Variants in AUTS2 observed in about 807,000 individuals in gnomAD.
The protein encoded by AUTS2 is autism susceptibility gene 2 protein.
AUTS2 carries 17 observed loss-of-function variants against 112.4 expected under a neutral mutation model. The observed-to-expected ratio is 0.15, with a 90% CI of 0.10 to 0.23. AUTS2 has a LOEUF of 0.23. Ranked by LOEUF, AUTS2 falls within the 10% of genes least tolerant of loss-of-function variation. AUTS2 has a pLI of 1.00. For missense variants in AUTS2, 1,510 were observed against 1,701.6 expected, an observed-to-expected ratio of 0.89 and a Z score of 1.98; for synonymous variants, 751 against 702.7, an observed-to-expected ratio of 1.07 and a Z score of -1.09.
chr7:69,730,676 A>G (rs964925616), intron 1 of AUTS2, among the ~76,000 whole-genome samples: 1 of 152,220 alleles, frequency 6.6e-6, no homozygotes, highest in Non-Finnish European at 1.5e-5. Flanking sequence ...TCTCTTAAGC[A>G]CTGTTAAGAA....
At chr7:69,618,759 C>T (rs890656541) in intron 1 of AUTS2, among the ~76,000 whole-genome samples, 4 of 152,120 alleles carry the variant, frequency 2.6e-5, no homozygotes, top group South Asian at 2.1e-4. Flanking sequence ...ATGTACCCAC[C>T]ACCAACTTTA....
rs1225032496 is a variant in AUTS2 at position 70,790,095 on chromosome 7, G to A, written c.2879G>A (p.Arg960Gln). The A allele has an allele frequency of 8.2e-6, 13 of 1,585,728 alleles. No homozygotes were observed. The highest frequency in any genetic ancestry group is 1.8e-5 in the Admixed American group (1 of 54,102). The change falls in exon 19 of 19, where the codon CGG (arginine) becomes CAG (glutamine). Residue 960 changes from arginine (R) to glutamine (Q), a missense_variant. This residue lies in a region of AUTS2 where 788 missense variants were observed against 797.6 expected (regional missense o/e 0.99). Coordinates refer to ENST00000342771, the MANE Select transcript of AUTS2 (RefSeq NM_015570.4). This position sits in a 1 kb window ranked among gnomAD's most constrained non-coding sequence, Gnocchi z 7.6. ...ESARPNSTSSREAEPRKGEPA... is the reference protein window; with the variant it reads ...ESARPNSTSSQEAEPRKGEPA... ...GCCAGGCCCAACAGCACCTCGAGCC[G>A]GGAGGCCGAGCCGCGCAAGGGTGAG... is the stretch of plus-strand genomic sequence containing the variant.
At chr7:69,659,635 G>C (rs1054491998) in intron 1 of AUTS2, among the ~76,000 whole-genome samples, 2 of 115,642 alleles carry the variant, frequency 1.7e-5, no homozygotes, top group Non-Finnish European at 3.3e-5. Context: ...CTGAGGCTTA[G>C]TTTAATTGGC....
At chr7:69,864,462 A>G (rs1303039899) in intron 1 of AUTS2, among the ~76,000 whole-genome samples, 2 of 152,144 alleles carry the variant, frequency 1.3e-5, no homozygotes, top group Non-Finnish European at 2.9e-5. Flanking sequence ...ATTAAATTTC[A>G]GTTGTAGGGC....
chr7:69,888,893 G>C (rs141647076), intron 1 of AUTS2, among the ~76,000 whole-genome samples: 2 of 152,176 alleles, frequency 1.3e-5, no homozygotes, highest in East Asian at 1.9e-4. Context: ...ATTTCAACAT[G>C]AGTTTTGGAG....
intron 4 of AUTS2, among the ~76,000 whole-genome samples, chr7:70,403,971 A>G (rs1292379951): frequency 6.6e-6 from 1 of 152,242 alleles, no homozygotes; most frequent in African/African-American, 2.4e-5. Flanking sequence ...AGAAGTAGCA[A>G]TGAGTCCAGA....
intron 2 of AUTS2, among the ~76,000 whole-genome samples, chr7:70,082,363 AATT>A (rs1803364339): frequency 6.6e-6 from 1 of 152,210 alleles, no homozygotes; most frequent in Non-Finnish European, 1.5e-5. Flanking sequence ...GAGCATTTCT[AATT>A]CAAAGCAGGA....
intron 5 of AUTS2, among the ~76,000 whole-genome samples, chr7:70,574,377 G>A (rs1802073740): frequency 6.6e-6 from 1 of 152,150 alleles, no homozygotes; most frequent in Admixed American, 6.5e-5. Context: ...GAATCCCTTG[G>A]AGTTTCTACC....
intron 2 of AUTS2, among the ~76,000 whole-genome samples, chr7:70,080,972 A>T (rs17365333): frequency 0.25 from 38,459 of 152,094 alleles, 4,855 homozygotes; most frequent in Middle Eastern, 0.33. Context: ...TTGAAAGATA[A>T]TTGAGTGAAG....
chr7:70,703,043 A>G (rs1189633017), intron 6 of AUTS2, among the ~76,000 whole-genome samples: 1 of 152,212 alleles, frequency 6.6e-6, no homozygotes, highest in Non-Finnish European at 1.5e-5. Context: ...CAAGTTACCC[A>G]GCGATACTGC....
intron 5 of AUTS2, among the ~76,000 whole-genome samples, chr7:70,617,882 A>G (rs1225852716): frequency 6.6e-6 from 1 of 152,158 alleles, no homozygotes; most frequent in Non-Finnish European, 1.5e-5. Flanking sequence ...AAATTTAACC[A>G]TTTACACACA....
chr7:69,792,456 G>T (rs1425206552), intron 1 of AUTS2, among the ~76,000 whole-genome samples: 1 of 151,980 alleles, frequency 6.6e-6, no homozygotes, highest in African/African-American at 2.4e-5. Context: ...AGCCAGGATG[G>T]TCTCGATCTC....
chr7:70,273,501 G>T (rs2129609342), intron 4 of AUTS2, among the ~76,000 whole-genome samples: 1 of 149,806 alleles, frequency 6.7e-6, no homozygotes, highest in African/African-American at 2.5e-5. Context: ...TATTTTACTG[G>T]CATTCTATAA....
At chr7:70,701,544 G>T (rs1176337748) in intron 6 of AUTS2, among the ~76,000 whole-genome samples, 1 of 152,174 alleles carries the variant, frequency 6.6e-6, no homozygotes, top group African/African-American at 2.4e-5. Flanking sequence ...CTGTGTTATA[G>T]ATGCCATCCA....
chr7:70,534,432 GTTTGTTT>G lies in AUTS2; in HGVS notation c.690+98652_690+98658del, dbSNP rs984230605. Among the ~76,000 whole-genome samples, 40 of 150,594 alleles carry G rather than the reference GTTTGTTT, an allele frequency of 2.7e-4. No homozygotes were observed. In the South Asian group the frequency reaches 4.8e-3, roughly 18 times the overall value. On this transcript the variant is annotated intron_variant, in intron 5 of 18. Transcript: ENST00000342771. The stretch of plus-strand genomic sequence containing the variant: ...TGTTTGTTTGTTTGTTTGTTTGTTT[GTTTGTTT>G]GTTTTGAGACAGAGTCTCACTCTGT...
intron 5 of AUTS2, among the ~76,000 whole-genome samples, chr7:70,609,225 G>T (rs983990861): frequency 6.6e-6 from 1 of 151,862 alleles, no homozygotes; most frequent in Non-Finnish European, 1.5e-5. Context: ...CAACCCCTCC[G>T]CCCAGCCCCT....
chr7:70,626,064 T>C (rs1453037408), intron 5 of AUTS2, among the ~76,000 whole-genome samples: 2 of 151,878 alleles, frequency 1.3e-5, no homozygotes, highest in Non-Finnish European at 2.9e-5. Flanking sequence ...AGGCACACAC[T>C]ACCACACCCA....
chr7:70,364,801 C>T (rs888970235), intron 4 of AUTS2, among the ~76,000 whole-genome samples: 8 of 152,076 alleles, frequency 5.3e-5, no homozygotes, highest in Non-Finnish European at 8.8e-5. Context: ...ATATTGGAGA[C>T]AGAAGCAGAA....
At chr7:70,176,550 A>G (rs559488047) in intron 4 of AUTS2, among the ~76,000 whole-genome samples, 56 of 152,356 alleles carry the variant, frequency 3.7e-4, no homozygotes, top group Admixed American at 3.9e-4. Context: ...ATTAGGAATA[A>G]TTAACCTTCC....
Sources: gnomAD v4.1 joint callset for allele counts (sites outside exome capture counted in the v4.1 genomes callset) on GRCh38, gnomAD v4.1.1 for gene constraint, gnomAD v4.1.1 regional missense constraint, Gnocchi (gnomAD v3.1) non-coding constraint, MANE v1.5 for transcripts, NCBI Gene and HGNC (gene_info 2026-07-23, HGNC 2026-07-21) for gene names.